FOXN1: variants seen among roughly 807,000 people sequenced by gnomAD.
FOXN1 encodes the protein forkhead box protein N1.
A neutral mutation model predicts 49.0 loss-of-function variants in FOXN1; 15 were observed. That is an observed-to-expected ratio of 0.31 (90% CI 0.20 to 0.47). The LOEUF (loss-of-function observed/expected upper bound fraction) is 0.47. Among genes scored for constraint, FOXN1 ranks in the 20% least tolerant of loss-of-function variants. The pLI, the probability that FOXN1 is intolerant of heterozygous loss-of-function variation, is 1.00. For missense variants in FOXN1, 800 were observed against 842.8 expected (o/e 0.95, Z 0.63); for synonymous variants, 356 against 369.0 (o/e 0.96, Z 0.40).
intron 8 of FOXN1, among the ~76,000 whole-genome samples, 156 bp from the exon 9 acceptor site, chr17:28,536,961 C>A (rs1374146196): frequency 6.6e-6 from 1 of 152,108 alleles, no homozygotes; most frequent in East Asian, 1.9e-4. Context: ...GGTTCAGCAA[C>A]TGCCTGGGGT....
At chr17:28,536,098 C>T (rs112857260) in intron 8 of FOXN1, among the ~76,000 whole-genome samples, 5 of 152,042 alleles carry the variant, frequency 3.3e-5, no homozygotes, top group Non-Finnish European at 4.4e-5. Flanking sequence ...AACGGGGTGA[C>T]GACCCAGGCC....
chr17:28,516,634 G>C (rs1254306307), intron 1 of FOXN1, among the ~76,000 whole-genome samples: 1 of 145,964 alleles, frequency 6.9e-6, no homozygotes, highest in East Asian at 2.0e-4. Flanking sequence ...ACCTCCACAG[G>C]GTACACACCT....
At chr17:28,525,436 C>T (rs116953662) in intron 3 of FOXN1, among the ~76,000 whole-genome samples, 416 of 152,236 alleles carry the variant, frequency 2.7e-3, no homozygotes, top group Middle Eastern at 0.01. Context: ...CCATTCTTTG[C>T]CCAGAGTGGG....
rs762706851 is a variant in FOXN1, at chr17:28,537,272, G to A, written c.1783G>A (p.Gly595Ser). 1.2e-5 allele frequency: 19 copies of A among 1,613,940 alleles called. No individual in the cohort carries two copies. The highest frequency in any genetic ancestry group is 1.7e-5 in the Admixed American group (1 of 60,004). Reference protein sequence around the residue: ...PCLTETGSGAGDLAAPGSGGS... With the variant: ...PCLTETGSGASDLAAPGSGGS... Reference sequence around the variant, plus strand: ...TCTGACAGAGACAGGCAGTGGGGCAGGTGACTTGGCAGCCCCGGGCAGTGG... The same window carrying A: ...TCTGACAGAGACAGGCAGTGGGGCAAGTGACTTGGCAGCCCCGGGCAGTGG... The change falls in exon 9 of 9, where the codon GGT (glycine) becomes AGT (serine). Residue 595 changes from glycine (G) to serine (S), a missense_variant. Coordinates refer to ENST00000579795, the MANE Select transcript of FOXN1 (RefSeq NM_001369369.1).
intron 8 of FOXN1, among the ~76,000 whole-genome samples, chr17:28,536,114 C>T (rs933749490): frequency 6.6e-6 from 1 of 152,160 alleles, no homozygotes; most frequent in Non-Finnish European, 1.5e-5. Context: ...AGGCCTCAGA[C>T]TCTGTGTGCA....
chr17:28,511,370 C>G (rs141752025), intron 1 of FOXN1, among the ~76,000 whole-genome samples: 3 of 152,198 alleles, frequency 2.0e-5, no homozygotes, highest in Non-Finnish European at 4.4e-5. Context: ...CCTGGCCCAA[C>G]GGACAGTGGG....
intron 1 of FOXN1, among the ~76,000 whole-genome samples, chr17:28,520,212 CT>C (rs1463582527): frequency 3.9e-5 from 6 of 152,188 alleles, no homozygotes; most frequent in African/African-American, 1.4e-4. Flanking sequence ...GTTCTGCCGG[CT>C]ACTCCAGGGA....
chr17:28,523,240 G>GTTTGGAGTTTGGAGGACACAT lies in FOXN1; in HGVS notation c.-14-714_-14-713insTGGAGTTTGGAGGACACATTT, dbSNP rs2069677808. On this transcript the variant is annotated intron_variant, in intron 1 of 8. Transcript: ENST00000579795. ...GGCAGTGGCCTGCACAAAGTCACAG[G>GTTTGGAGTTTGGAGGACACAT]TTAGAGTTTGGAGGACACAGGTGGA... 7.9e-5 allele frequency among the ~76,000 whole-genome samples: 12 copies of GTTTGGAGTTTGGAGGACACAT among 152,372 alleles called. No individual in the cohort carries two copies. The South Asian group carries it at 2.5e-3, about 32-fold the overall frequency.
chr17:28,526,577 G>A (rs939511344), intron 3 of FOXN1, among the ~76,000 whole-genome samples: 5 of 152,218 alleles, frequency 3.3e-5, no homozygotes, highest in African/African-American at 1.2e-4. Flanking sequence ...GCAGCTGCAG[G>A]CTCCCCATGC....
intron 1 of FOXN1, among the ~76,000 whole-genome samples, chr17:28,509,113 G>C (rs545305414): frequency 6.6e-6 from 1 of 152,042 alleles, no homozygotes; most frequent in Admixed American, 6.5e-5. Context: ...GATGACCTCT[G>C]GGAGAGGGCC....
At chr17:28,533,877 T>C (rs953395291) in intron 6 of FOXN1, among the ~76,000 whole-genome samples, 1 of 152,084 alleles carries the variant, frequency 6.6e-6, no homozygotes, top group Non-Finnish European at 1.5e-5. Context: ...AGAGGAGCAT[T>C]CTTCCCCTAA....
At chr17:28,522,917 A>T (rs2069670042) in intron 1 of FOXN1, among the ~76,000 whole-genome samples, 1 of 151,964 alleles carries the variant, frequency 6.6e-6, no homozygotes, top group Admixed American at 6.5e-5. Flanking sequence ...CGGACTGTGC[A>T]CCAGGCACTG....
chr17:28,524,413 C>T, intron 2 of FOXN1, 90 bp from the exon 3 acceptor site: 2 of 1,151,960 alleles, frequency 1.7e-6, no homozygotes, highest in East Asian at 4.7e-5. Context: ...GCCATAGACC[C>T]CCTTTACCCC....
Position 28,537,757 on chromosome 17 carries a change from C to A in FOXN1, c.*321C>A. The A allele has an allele frequency of 2.1e-6, 1 of 468,262 alleles. No individual in the cohort carries two copies. Among genetic ancestry groups the A allele is most frequent in the Non-Finnish European group, 4.0e-6 (1 of 252,522 alleles). 29.0% of individuals were successfully genotyped at this position (468,262 alleles called of 1,614,324 possible). A position where few individuals can be genotyped will look rare whatever the true frequency, so the allele number is the denominator to read the frequency against. ...CCCTCGTGCACACACACAAATTATTCAGATGTACACCCACCCACATATCTT... is the reference window on the plus strand; with the variant it reads ...CCCTCGTGCACACACACAAATTATTAAGATGTACACCCACCCACATATCTT... On this transcript the variant is annotated 3_prime_UTR_variant, in exon 9 of 9. Coordinates refer to ENST00000579795, the MANE Select transcript of FOXN1 (RefSeq NM_001369369.1).
rs1380804209 is a variant in FOXN1, at chr17:28,538,781, G to A, written c.*1345G>A. The A allele has an allele frequency of 6.6e-6, 1 of 152,270 alleles. No homozygotes were observed. Among genetic ancestry groups the A allele is most frequent in the Non-Finnish European group, 1.5e-5 (1 of 68,076 alleles). The allele number at this position is 152,270 out of a possible 1,614,324, so 9.4% of individuals were successfully genotyped here. A position where few individuals can be genotyped will look rare whatever the true frequency, so the allele number is the denominator to read the frequency against. On this transcript the variant is annotated 3_prime_UTR_variant, in exon 9 of 9. Transcript: ENST00000579795. ...GAACCTCAGCCCACCCTGGGCCTGG[G>A]GGTGACAAGAACTTCCACAGGTTGG...
Position 28,511,686 on chromosome 17 carries a change from A to G in FOXN1, c.-15+5243A>G, listed in dbSNP as rs369123507. ...TATGTAGGGCAAAGATGAGGACTCCATTTTATAAAGGAGGGAACAAGGTTT... is the reference window on the plus strand; with the variant it reads ...TATGTAGGGCAAAGATGAGGACTCCGTTTTATAAAGGAGGGAACAAGGTTT... On this transcript the variant is annotated intron_variant, in intron 1 of 8. Transcript: ENST00000579795. Among the ~76,000 whole-genome samples the G allele has an allele frequency of 5.3e-5, 8 of 152,138 alleles. No homozygotes were observed. In the South Asian group the frequency reaches 1.0e-3, roughly 20 times the overall value.
At chr17:28,521,457 CTCTCCAGGAGGAG>C (rs1458296052) in intron 1 of FOXN1, among the ~76,000 whole-genome samples, 1 of 152,264 alleles carries the variant, frequency 6.6e-6, no homozygotes, top group East Asian at 1.9e-4. Flanking sequence ...CAGGCCCGAG[CTCTCCAGGAGGAG>C]CTGTCCAGGG....
At position 28,534,575 on chromosome 17, in the gene FOXN1, G is replaced by T; in HGVS notation, c.1135+37G>T. 1 of 1,599,860 alleles carries T rather than the reference G, an allele frequency of 6.3e-7. No individual in the cohort carries two copies. Among genetic ancestry groups the T allele is most frequent in the Non-Finnish European group, 8.5e-7 (1 of 1,175,046 alleles). On this transcript the variant is annotated intron_variant, in intron 7 of 8. Coordinates refer to ENST00000579795, the MANE Select transcript of FOXN1 (RefSeq NM_001369369.1). The surrounding 1 kb of genome is among the most constrained non-coding windows in gnomAD (Gnocchi z 4.1). The stretch of plus-strand genomic sequence containing the variant: ...CGGGCCACGCAAGGAAGGGCCCAGG[G>T]TACTCATGAGCCAAAAAAAAAAAAA...
intron 8 of FOXN1, 26 bp from the exon 9 acceptor site, chr17:28,537,091 C>T: frequency 2.5e-6 from 4 of 1,596,554 alleles, no homozygotes; most frequent in South Asian, 1.1e-5. Flanking sequence ...CTCCCAGTGA[C>T]ACCTGTTCTC....
Sources: gnomAD v4.1 joint callset for allele counts (sites outside exome capture counted in the v4.1 genomes callset) on GRCh38, gnomAD v4.1.1 for gene constraint, Gnocchi (gnomAD v3.1) non-coding constraint, MANE v1.5 for transcripts, NCBI Gene and HGNC (gene_info 2026-07-23, HGNC 2026-07-21) for gene names.